The following DLAT variants were observed in gnomAD, a reference collection of about 807,000 sequenced individuals.
DLAT encodes dihydrolipoamide S-acetyltransferase, also known as dihydrolipoyllysine-residue acetyltransferase component of pyruvate dehydrogenase complex, mitochondrial.
Under a neutral mutation model 68.0 loss-of-function variants are expected in DLAT, and 43 were observed. The ratio of observed to expected loss-of-function variants is 0.63; its 90% confidence interval spans 0.50 to 0.81. The LOEUF (loss-of-function observed/expected upper bound fraction) is 0.81. DLAT is among the 40% of genes least tolerant of loss of function. DLAT has a pLI of 0.00. For missense variants in DLAT, 745 were observed against 815.4 expected, an observed-to-expected ratio of 0.91 and a Z score of 1.05; for synonymous variants, 265 against 288.6, an observed-to-expected ratio of 0.92 and a Z score of 0.83.
intron 2 of DLAT, among the ~76,000 whole-genome samples, chr11:112,027,491 A>G (rs1555179481): frequency 6.6e-6 from 1 of 151,806 alleles, no homozygotes; most frequent in East Asian, 1.9e-4. Context: ...CACTTCCCAG[A>G]CGGGGTGGCA....
Position 112,034,448 on chromosome 11 carries a change from T to TA in DLAT, c.787+918_787+919insA, listed in dbSNP as rs1206348704. On this transcript the variant is annotated intron_variant, in intron 5 of 13. Coordinates refer to ENST00000280346, the MANE Select transcript of DLAT (RefSeq NM_001931.5). ...ACAATAATATATTTATTATTATTAT[T>TA]TTTTTTTTTTTTGAGACGGAGTCTC... Among the ~76,000 whole-genome samples the TA allele has an allele frequency of 1.0e-3, 151 of 147,900 alleles. 1 individual carries two copies. The highest frequency in any genetic ancestry group is 3.4e-3 in the African/African-American group (136 of 40,568).
At chr11:112,035,487 A>G (rs1158500308) in intron 5 of DLAT, among the ~76,000 whole-genome samples, 8 of 146,056 alleles carry the variant, frequency 5.5e-5, no homozygotes, top group Non-Finnish European at 7.5e-5. Context: ...CATTTTAAAC[A>G]CTTCTTTTTT....
chr11:112,038,094 A>G (rs147302453), intron 6 of DLAT, among the ~76,000 whole-genome samples: 2 of 152,318 alleles, frequency 1.3e-5, no homozygotes, highest in Non-Finnish European at 2.9e-5. Flanking sequence ...CACAGATGCT[A>G]GAATCATGTG....
chr11:112,027,155 C>T (rs1263942311), intron 2 of DLAT, among the ~76,000 whole-genome samples: 10 of 150,426 alleles, frequency 6.6e-5, no homozygotes, highest in Admixed American at 2.6e-4. Context: ...GGGTGGCTGC[C>T]GGGCGGAGGG....
chr11:112,054,929 TTTCTC>T (rs1237527698), intron 11 of DLAT, among the ~76,000 whole-genome samples: 10 of 152,294 alleles, frequency 6.6e-5, no homozygotes, highest in African/African-American at 1.2e-4. Flanking sequence ...GTGTCTGTAT[TTTCTC>T]TTCTCTTAAG....
intron 4 of DLAT, chr11:112,029,803 G>A (rs1187168432): frequency 1.1e-5 from 6 of 536,316 alleles, no homozygotes; most frequent in Non-Finnish European, 2.2e-5. Context: ...ACACCACCAA[G>A]AAGGGAAGGC....
chr11:112,039,310 C>T lies in DLAT; in HGVS notation c.1042C>T (p.Pro348Ser). 6.2e-7 allele frequency: 1 copy of T among 1,614,090 alleles called. No homozygotes were observed. The highest frequency in any genetic ancestry group is 2.2e-5 in the East Asian group (1 of 44,868). The change falls in exon 7 of 14, where the codon CCT becomes TCT. Residue 348 changes from proline (P) to serine (S), a missense_variant. Coordinates refer to ENST00000280346, the MANE Select transcript of DLAT (RefSeq NM_001931.5). ...ACCTTCAGCACCCTGCCCAGCTACT[C>T]CTGCTGGACCAAAGGGAAGGGTGTT... Reference protein sequence around the residue: ...PTPSAPCPATPAGPKGRVFVS... With the variant: ...PTPSAPCPATSAGPKGRVFVS...
In DLAT at chr11:112,037,518, G is replaced by A; in HGVS notation, c.975+58G>A. 2.6e-6 allele frequency: 4 copies of A among 1,542,018 alleles called. No homozygotes were observed. The South Asian group carries it at 3.4e-5, about 13-fold the overall frequency. ...ACCTTGTTCATCTCTAAATTAAGGA[G>A]TTTTGATTAGATGATATCCTAGGTT... is the stretch of plus-strand genomic sequence containing the variant. On this transcript the variant is annotated intron_variant, in intron 6 of 13. Transcript: ENST00000280346.
chr11:112,037,062 T>A (rs1416172807), intron 5 of DLAT, among the ~76,000 whole-genome samples: 3 of 152,228 alleles, frequency 2.0e-5, no homozygotes, highest in Non-Finnish European at 1.5e-5. Flanking sequence ...TTTAAATGTA[T>A]AACATCCCAG....
chr11:112,047,334 G>C (rs1468784987), intron 10 of DLAT, among the ~76,000 whole-genome samples: 1 of 152,040 alleles, frequency 6.6e-6, no homozygotes, highest in Non-Finnish European at 1.5e-5. Context: ...TTGTAAATTT[G>C]TTTAAGTTCC....
intron 11 of DLAT, among the ~76,000 whole-genome samples, chr11:112,055,847 ACTTTTTTTT>A (rs1864005492): frequency 2.0e-5 from 1 of 49,672 alleles, no homozygotes; most frequent in African/African-American, 7.0e-5. Context: ...GCATATAGAC[ACTTTTTTTT>A]TTTTTTTTTT....
At chr11:112,061,528 A>G (rs1340076033) in intron 13 of DLAT, 15 of 275,816 alleles carry the variant, frequency 5.4e-5, no homozygotes, top group African/African-American at 3.3e-4. Context: ...TTCGGAACCC[A>G]TGGATATATG....
At chr11:112,028,369 A>G in intron 2 of DLAT, 146 bp from the exon 3 acceptor site, 1 of 902,772 alleles carries the variant, frequency 1.1e-6, no homozygotes. Flanking sequence ...CAATGAGCCG[A>G]GATTGCACCA....
intron 11 of DLAT, among the ~76,000 whole-genome samples, chr11:112,054,903 C>A (rs1555182328): frequency 6.6e-6 from 1 of 152,204 alleles, no homozygotes. Context: ...TCCATCTTTA[C>A]ATGGCCTTCT....
intron 11 of DLAT, among the ~76,000 whole-genome samples, chr11:112,054,033 G>T (rs969304346): frequency 1.1e-4 from 16 of 152,066 alleles, no homozygotes; most frequent in Admixed American, 8.5e-4. Flanking sequence ...TTGGGGCCAG[G>T]TATGGTGGCT....
At chr11:112,061,320 A>G (rs1555183267) in intron 13 of DLAT, 146 bp downstream of exon 13, 3 of 784,642 alleles carry the variant, frequency 3.8e-6, no homozygotes, top group Non-Finnish European at 6.5e-6. Context: ...ATATGATGTA[A>G]TATTTGCATA....
chr11:112,038,973 CTGAT>C lies in DLAT; in HGVS notation c.976-268_976-265del, dbSNP rs146011020. 6.3e-3 allele frequency among the ~76,000 whole-genome samples: 951 copies of C among 152,154 alleles called. 10 individuals are homozygous for C. The highest frequency in any genetic ancestry group is 0.021 in the African/African-American group (860 of 41,540). On this transcript the variant is annotated intron_variant, in intron 6 of 13. Coordinates refer to ENST00000280346, the MANE Select transcript of DLAT (RefSeq NM_001931.5). ...AAGAAAGGCTGTAGAATACTATACA[CTGAT>C]TGGCAATATTCAATTCTGTGCTTCA... is the stretch of plus-strand genomic sequence containing the variant.
At chr11:112,036,423 G>C (rs1342641803) in intron 5 of DLAT, among the ~76,000 whole-genome samples, 4 of 151,086 alleles carry the variant, frequency 2.6e-5, no homozygotes, top group African/African-American at 9.7e-5. Flanking sequence ...ACGTTGGTCA[G>C]GCTGGTCTCG....
At chr11:112,039,164 T>G in intron 6 of DLAT, 80 bp from the exon 7 acceptor site, 1 of 1,316,070 alleles carries the variant, frequency 7.6e-7, no homozygotes, top group Non-Finnish European at 1.1e-6. Context: ...TTTAATTTAT[T>G]AATAAGATGT....
Sources: allele counts gnomAD v4.1 joint callset (sites outside exome capture counted in the v4.1 genomes callset), GRCh38; gene constraint gnomAD v4.1.1; transcripts MANE v1.5; gene names NCBI Gene and HGNC (gene_info 2026-07-23, HGNC 2026-07-21).